Variants in LRRTM4 observed in about 807,000 individuals in gnomAD.
The protein encoded by LRRTM4 is leucine rich repeat transmembrane neuronal 4, also known as leucine-rich repeat transmembrane neuronal protein 4.
LRRTM4 carries 25 observed loss-of-function variants against 47.6 expected under a neutral mutation model. The observed-to-expected ratio is 0.53, with a 90% CI of 0.38 to 0.73. LRRTM4 has a LOEUF of 0.73. LRRTM4 is among the 30% of genes least tolerant of loss of function. The probability of loss-of-function intolerance (pLI) is 0.00; values close to 1 mark genes in which losing one functional copy is unlikely to be tolerated. For synonymous variants in LRRTM4, 311 were observed against 269.5 expected (o/e 1.15, Z -1.51); for missense variants, 638 against 713.4 (o/e 0.89, Z 1.20).
intron 3 of LRRTM4, among the ~76,000 whole-genome samples, chr2:76,901,376 T>A (rs1227320262): frequency 3.9e-5 from 6 of 152,192 alleles, no homozygotes; most frequent in Non-Finnish European, 8.8e-5. Context: ...GAAAAGTATG[T>A]TATCTCATTT....
intron 3 of LRRTM4, among the ~76,000 whole-genome samples, chr2:77,492,528 G>A (rs577613514): frequency 3.9e-5 from 6 of 152,154 alleles, no homozygotes; most frequent in South Asian, 2.1e-4. Context: ...CAAAGTTCTG[G>A]AGTTACAAGT....
intron 3 of LRRTM4, among the ~76,000 whole-genome samples, chr2:76,875,512 T>A (rs749053526): frequency 6.6e-6 from 1 of 152,062 alleles, no homozygotes; most frequent in Non-Finnish European, 1.5e-5. Flanking sequence ...AGTAAATGAG[T>A]GAATGAACTA....
chr2:77,462,572 C>T (rs1676829853), intron 3 of LRRTM4, among the ~76,000 whole-genome samples: 2 of 151,560 alleles, frequency 1.3e-5, no homozygotes, highest in Admixed American at 1.3e-4. Context: ...AATGTCCCAG[C>T]ATATGGAAAT....
intron 3 of LRRTM4, among the ~76,000 whole-genome samples, chr2:77,211,751 C>T (rs1483150353): frequency 6.6e-6 from 1 of 152,056 alleles, no homozygotes; most frequent in Non-Finnish European, 1.5e-5. Flanking sequence ...TCTCTTGATA[C>T]TTTAGAATTT....
chr2:77,038,781 T>C (rs1014499187), intron 3 of LRRTM4, among the ~76,000 whole-genome samples: 1 of 151,456 alleles, frequency 6.6e-6, no homozygotes, highest in African/African-American at 2.4e-5. Context: ...GATAGGGGAA[T>C]CAGTTGGAGA....
chr2:76,749,119 GT>G (rs1183076844), intron 3 of LRRTM4, among the ~76,000 whole-genome samples: 3 of 152,134 alleles, frequency 2.0e-5, no homozygotes, highest in Non-Finnish European at 4.4e-5. Context: ...TATAGACTTT[GT>G]ACATAAAACA....
chr2:76,828,638 T>C (rs1671250998), intron 3 of LRRTM4, among the ~76,000 whole-genome samples: 1 of 151,956 alleles, frequency 6.6e-6, no homozygotes, highest in African/African-American at 2.4e-5. Flanking sequence ...TAAATTTTTC[T>C]TTGTGTTTTT....
At chr2:76,962,034 A>G (rs1675877514) in intron 3 of LRRTM4, among the ~76,000 whole-genome samples, 1 of 151,238 alleles carries the variant, frequency 6.6e-6, no homozygotes, top group Admixed American at 6.6e-5. Flanking sequence ...TAACCAGAGC[A>G]TGCTTCATGC....
At position 77,460,583 on chromosome 2, in the gene LRRTM4, T is replaced by G. The variant is rs370192162; in HGVS notation, c.1551+57735A>C. Among the ~76,000 whole-genome samples the G allele has an allele frequency of 4.6e-5, 7 of 152,324 alleles. No individual in the cohort carries two copies. In the East Asian group the frequency reaches 1.2e-3, roughly 25 times the overall value. ...AATGAACTTAAAATGATGATCTATA[T>G]GGTTCATTGACCAAAATAATTATAC... On this transcript the variant is annotated intron_variant, in intron 3 of 3. Coordinates refer to ENST00000409884, the MANE Select transcript of LRRTM4 (RefSeq NM_001134745.3).
At chr2:77,412,029 C>G (rs968696550) in intron 3 of LRRTM4, among the ~76,000 whole-genome samples, 1 of 152,138 alleles carries the variant, frequency 6.6e-6, no homozygotes, top group Non-Finnish European at 1.5e-5. Context: ...CCCAGTCCCC[C>G]ATAAGTACAA....
At chr2:77,229,057 C>T (rs930542576) in intron 3 of LRRTM4, among the ~76,000 whole-genome samples, 6 of 152,098 alleles carry the variant, frequency 3.9e-5, no homozygotes, top group Admixed American at 2.0e-4. Context: ...CTCATCCTAG[C>T]AGCAGCATTT....
intron 3 of LRRTM4, among the ~76,000 whole-genome samples, chr2:77,391,845 A>C (rs565631237): frequency 4.8e-4 from 73 of 152,086 alleles, no homozygotes; most frequent in Non-Finnish European, 9.7e-4. Context: ...CATTTTCATT[A>C]AAACAGAGAT....
intron 3 of LRRTM4, among the ~76,000 whole-genome samples, chr2:76,929,276 A>G (rs4853283): frequency 0.59 from 90,197 of 151,984 alleles, 29,098 homozygotes; most frequent in African/African-American, 0.85. Context: ...AAACAGCTAG[A>G]TGTTTCGCAA....
intron 3 of LRRTM4, among the ~76,000 whole-genome samples, chr2:77,418,906 A>G (rs566258532): frequency 2.0e-5 from 3 of 152,128 alleles, no homozygotes; most frequent in Non-Finnish European, 4.4e-5. Flanking sequence ...TCCACTATAC[A>G]ATGGCATTTA....
intron 3 of LRRTM4, among the ~76,000 whole-genome samples, chr2:76,940,495 G>A (rs571477084): frequency 4.6e-5 from 7 of 152,244 alleles, no homozygotes; most frequent in Non-Finnish European, 7.4e-5. Context: ...TGAGGGTGGA[G>A]GGTGAGAAGA....
chr2:77,516,705 A>G (rs1573517551), intron 3 of LRRTM4: 1 of 968,354 alleles, frequency 1.0e-6, no homozygotes, highest in East Asian at 1.2e-4. Flanking sequence ...TTTAAGGGCA[A>G]TTGCTTATAC....
intron 3 of LRRTM4, among the ~76,000 whole-genome samples, chr2:77,087,593 A>T (rs960625540): frequency 2.0e-5 from 3 of 152,262 alleles, no homozygotes; most frequent in Admixed American, 1.3e-4. Flanking sequence ...TAAAGTTATC[A>T]AATACATGAC....
At chr2:76,804,861 G>A (rs1675890692) in intron 3 of LRRTM4, among the ~76,000 whole-genome samples, 1 of 150,610 alleles carries the variant, frequency 6.6e-6, no homozygotes, top group South Asian at 2.1e-4. Flanking sequence ...TTTGTTAATA[G>A]ATTTTTTTAA....
At chr2:77,142,081 A>G (rs1365895968) in intron 3 of LRRTM4, among the ~76,000 whole-genome samples, 2 of 152,190 alleles carry the variant, frequency 1.3e-5, no homozygotes, top group Non-Finnish European at 2.9e-5. Context: ...AGCACAAGTA[A>G]TAAGTGTTCT....
Sources: gnomAD v4.1 joint callset for allele counts (sites outside exome capture counted in the v4.1 genomes callset) on GRCh38, gnomAD v4.1.1 for gene constraint, MANE v1.5 for transcripts, NCBI Gene and HGNC (gene_info 2026-07-23, HGNC 2026-07-21) for gene names.